Variants in XIAP observed in about 807,000 individuals in gnomAD.
The protein encoded by XIAP is E3 ubiquitin-protein ligase XIAP.
A neutral mutation model predicts 33.1 loss-of-function variants in XIAP; 3 were observed. That is an observed-to-expected ratio of 0.09 (90% confidence interval 0.04 to 0.23). The LOEUF (loss-of-function observed/expected upper bound fraction) is 0.23, where lower values mean the gene tolerates loss of function less well. Ranked by LOEUF, XIAP falls within the 10% of genes least tolerant of loss-of-function variation. The pLI is 1.00. For missense variants in XIAP, 264 were observed against 363.0 expected (o/e 0.73, Z 2.22); for synonymous variants, 98 against 121.3 (o/e 0.81, Z 1.26).
chrX:123,884,676 C>A (rs748826643), intron 1 of XIAP, among the ~76,000 whole-genome samples: 1 of 110,973 alleles, frequency 9.0e-6, no homozygotes, highest in African/African-American at 3.3e-5. Context: ...CTGATTTATG[C>A]CTGTTGTCCC....
intron 3 of XIAP, among the ~76,000 whole-genome samples, chrX:123,890,629 G>C (rs1384079568): frequency 2.4e-5 from 2 of 81,917 alleles, no homozygotes; most frequent in African/African-American, 1.0e-4. Context: ...GACAGAGTGA[G>C]ACACTGTCTC....
In XIAP at chrX:123,912,792, A is replaced by G. The variant is rs748757861; in HGVS notation, c.*5611A>G. 9.3e-6 allele frequency: 3 copies of G among 322,919 alleles called. No individual in the cohort carries two copies. The highest frequency in any genetic ancestry group is 3.2e-5 in the Admixed American group (1 of 31,047). 26.6% of individuals were successfully genotyped at this position (322,919 alleles called of 1,213,427 possible). A position where few individuals can be genotyped will look rare whatever the true frequency, so the allele number is the denominator to read the frequency against. The stretch of plus-strand genomic sequence containing the variant: ...CTCTGCCTCGCAAGCAGCTGGGACT[A>G]CAGGCATGCTCCACGGTGCCCAGTT... On this transcript the variant is annotated 3_prime_UTR_variant, in exon 7 of 7. Transcript: ENST00000371199.
At chrX:123,892,975 C>A (rs2053421109) in intron 5 of XIAP, among the ~76,000 whole-genome samples, 1 of 109,969 alleles carries the variant, frequency 9.1e-6, no homozygotes, top group African/African-American at 3.3e-5. Context: ...CCTGCGCCAC[C>A]ATGCCCGGCT....
intron 1 of XIAP, among the ~76,000 whole-genome samples, chrX:123,881,382 C>T (rs1271090265): frequency 1.8e-5 from 2 of 110,928 alleles, no homozygotes; most frequent in Non-Finnish European, 3.8e-5. Flanking sequence ...TTTTTTTACC[C>T]TATCTTACCC....
At chrX:123,884,944 C>CAAAAAAAA (rs5903649) in intron 1 of XIAP, among the ~76,000 whole-genome samples, 1 of 92,111 alleles carries the variant, frequency 1.1e-5, no homozygotes, top group Non-Finnish European at 2.1e-5. Context: ...ATGTCATGGG[C>CAAAAAAAA]AAAAAAAAAA....
Position 123,874,430 on chromosome X carries a change from C to T in XIAP, c.-32-11201C>T, listed in dbSNP as rs1451110529. The stretch of plus-strand genomic sequence containing the variant: ...ATATAATACAACATCATTTTGTAAC[C>T]AGCTTTTTCCACTTAATACAACATC... On this transcript the variant is annotated intron_variant, in intron 1 of 6. Transcript: ENST00000371199. The T allele has an allele frequency of 2.7e-5, 3 of 111,015 alleles. No individual in the cohort carries two copies. The East Asian group carries it at 8.3e-4, about 31-fold the overall frequency. The allele number at this position is 111,015 out of a possible 1,213,427, so 9.1% of individuals were successfully genotyped here. A position where few individuals can be genotyped will look rare whatever the true frequency, so the allele number is the denominator to read the frequency against.
At chrX:123,890,303 A>G (rs1490502406) in intron 3 of XIAP, among the ~76,000 whole-genome samples, 1 of 104,646 alleles carries the variant, frequency 9.6e-6, no homozygotes, top group East Asian at 3.3e-4. Flanking sequence ...GGCGTGAGCC[A>G]CCGCGCCCGG....
At position 123,880,605 on chromosome X, in the gene XIAP, C is replaced by T. The variant is rs187682563; in HGVS notation, c.-32-5026C>T. Among the ~76,000 whole-genome samples, 160 of 106,141 alleles carry T rather than the reference C, an allele frequency of 1.5e-3. 1 individual carries two copies. In the Admixed American group the frequency reaches 0.015, roughly 10 times the overall value. The allele number at this position is 106,141 out of a possible 115,157, so 92.2% of individuals were successfully genotyped here. ...TAAAAAAATTAGCCAGGCGTGGTGG[C>T]GGGCGCCTGTAATCCCAGCTACTTG... On this transcript the variant is annotated intron_variant, in intron 1 of 6. Transcript: ENST00000371199.
intron 5 of XIAP, among the ~76,000 whole-genome samples, chrX:123,893,391 C>T (rs2053426726): frequency 9.3e-6 from 1 of 107,910 alleles, no homozygotes; most frequent in East Asian, 3.0e-4. Context: ...GATGTGGTGG[C>T]GCACACCTGT....
intron 1 of XIAP, among the ~76,000 whole-genome samples, chrX:123,864,661 T>TTTTA (rs2053114443): frequency 2.0e-5 from 2 of 102,458 alleles, no homozygotes. Flanking sequence ...TGTGTGTGTG[T>TTTTA]GTGTGTGTGT....
At chrX:123,899,275 G>GTA (rs1230229382) in intron 5 of XIAP, among the ~76,000 whole-genome samples, 5 of 89,775 alleles carry the variant, frequency 5.6e-5, no homozygotes, top group Admixed American at 2.7e-4. Context: ...ATATGATTTT[G>GTA]TATATATATA....
chrX:123,902,410 C>T (rs747759518), intron 6 of XIAP, among the ~76,000 whole-genome samples: 14 of 111,797 alleles, frequency 1.3e-4, no homozygotes, highest in African/African-American at 4.2e-4. Context: ...GCCTATTTGT[C>T]TTCCCAAAAG....
intron 5 of XIAP, among the ~76,000 whole-genome samples, chrX:123,896,655 A>G (rs1602553885): frequency 1.0e-5 from 1 of 97,480 alleles, no homozygotes; most frequent in South Asian, 5.1e-4. Context: ...ATCTCTGCTC[A>G]CTGCAACCTC....
chrX:123,865,450 G>A (rs1032164902), intron 1 of XIAP, among the ~76,000 whole-genome samples: 12 of 110,681 alleles, frequency 1.1e-4, no homozygotes, highest in East Asian at 2.9e-4. Context: ...TTTTAAGGCC[G>A]GGCGTGGTGG....
chrX:123,864,629 G>T, intron 1 of XIAP, among the ~76,000 whole-genome samples: 1 of 84,488 alleles, frequency 1.2e-5, no homozygotes, highest in Non-Finnish European at 2.3e-5. Flanking sequence ...ACCACACCCG[G>T]CTTAGAGTGT....
At position 123,900,586 on chromosome X, in the gene XIAP, A is replaced by G. The variant is rs770431804; in HGVS notation, c.1193A>G (p.Gln398Arg). 3 of 1,211,299 alleles carry G rather than the reference A, an allele frequency of 2.5e-6. No individual in the cohort carries two copies. The South Asian group carries it at 5.3e-5, about 21-fold the overall frequency. ...DIKKIMEEKIQISGSNYKSLE... is the reference protein window; with the variant it reads ...DIKKIMEEKIRISGSNYKSLE... ...AAGAAAATAATGGAGGAAAAAATTC[A>G]GATATCTGGGAGCAACTATAAATCA... The change falls in exon 6 of 7, where the codon CAG (glutamine) becomes CGG (arginine). Residue 398 changes from glutamine (Q) to arginine (R), a missense_variant. Physicochemically the swap from Gln to Arg is conservative, Grantham distance 43. Transcript: ENST00000371199.
intron 5 of XIAP, among the ~76,000 whole-genome samples, chrX:123,899,962 C>T (rs2053501587): frequency 1.8e-5 from 2 of 111,714 alleles, no homozygotes; most frequent in African/African-American, 6.5e-5. Flanking sequence ...TGTGTTCCTA[C>T]TTTAAGTATC....
chrX:123,867,849 T>C (rs1253730400), intron 1 of XIAP, among the ~76,000 whole-genome samples: 1 of 109,906 alleles, frequency 9.1e-6, no homozygotes, highest in Admixed American at 9.8e-5. Flanking sequence ...TTAATTTTTC[T>C]ATTTTTAGTA....
chrX:123,899,432 G>C (rs2053497359), intron 5 of XIAP, among the ~76,000 whole-genome samples: 2 of 105,467 alleles, frequency 1.9e-5, no homozygotes, highest in Non-Finnish European at 3.9e-5. Context: ...AAATGTATAT[G>C]TTAAAATATA....
Sources: gnomAD v4.1 joint callset for allele counts (sites outside exome capture counted in the v4.1 genomes callset) on GRCh38, gnomAD v4.1.1 for gene constraint, MANE v1.5 for transcripts, NCBI Gene and HGNC (gene_info 2026-07-23, HGNC 2026-07-21) for gene names.